Variants in DTNBP1 observed in about 807,000 individuals in gnomAD.
DTNBP1 encodes the protein dystrobrevin binding protein 1, also known as dysbindin.
In DTNBP1, 35 loss-of-function variants were observed where a neutral mutation model predicts 42.8. The observed-to-expected ratio is 0.82, with a 90% CI of 0.63 to 1.09. DTNBP1 has a LOEUF of 1.09. DTNBP1 is among the 50% of genes least tolerant of loss of function. DTNBP1 has a pLI of 0.00. For missense variants in DTNBP1, 457 were observed against 424.2 expected (o/e 1.08, Z -0.68); for synonymous variants, 171 against 162.2 (o/e 1.05, Z -0.41).
At position 15,554,975 on chromosome 6, in the gene DTNBP1, TTGAAAGGGCTG is replaced by T. The variant is rs1285436158; in HGVS notation, c.512-21591_512-21581del. ...TGGTTGAAATCAGCGGTGGAGTCTTTTGAAAGGGCTGTTTGCTCCTTAGCCCTTGGGTGAGA... is the reference window on the plus strand; with the variant it reads ...TGGTTGAAATCAGCGGTGGAGTCTTTTTTGCTCCTTAGCCCTTGGGTGAGA... On this transcript the variant is annotated intron_variant, in intron 7 of 9. Transcript: ENST00000344537. Among the ~76,000 whole-genome samples the T allele has an allele frequency of 2.6e-5, 4 of 151,834 alleles. No individual in the cohort carries two copies. In the East Asian group the frequency reaches 7.7e-4, roughly 29 times the overall value.
intron 1 of DTNBP1, among the ~76,000 whole-genome samples, chr6:15,659,874 T>A (rs2113833799): frequency 6.6e-6 from 1 of 152,180 alleles, no homozygotes; most frequent in Non-Finnish European, 1.5e-5. Context: ...TTCTTTGTGT[T>A]GCCCAGTCTT....
chr6:15,636,157 C>CTTTTTTTTTTTTTTTTTTTTTTT (rs70996562), intron 4 of DTNBP1, among the ~76,000 whole-genome samples: 1 of 127,028 alleles, frequency 7.9e-6, no homozygotes, highest in Non-Finnish European at 1.6e-5. Context: ...TTACCTGCAC[C>CTTTTTTTTTTTTTTTTTTTTTTT]TTTTTTTTTT....
Position 15,628,939 on chromosome 6 carries a change from G to A in DTNBP1, c.223-1464C>T, listed in dbSNP as rs184475535. Among the ~76,000 whole-genome samples, 458 of 152,246 alleles carry A rather than the reference G, an allele frequency of 3.0e-3. 3 individuals are homozygous for A. The highest frequency in any genetic ancestry group is 0.01 in the African/African-American group (428 of 41,532). ...TGTGGTTTCTCAGCCCACGCTGGAG[G>A]GATAAACACATAATCTCTCACATTC... On this transcript the variant is annotated intron_variant, in intron 4 of 9. Transcript: ENST00000344537.
chr6:15,623,136 A>G (rs923763342), intron 5 of DTNBP1, among the ~76,000 whole-genome samples: 2 of 152,262 alleles, frequency 1.3e-5, no homozygotes, highest in African/African-American at 4.8e-5. Flanking sequence ...TCTATGTAGT[A>G]GCCTAAAAGG....
intron 6 of DTNBP1, among the ~76,000 whole-genome samples, chr6:15,605,950 C>A (rs571051660): frequency 7.2e-5 from 11 of 152,232 alleles, no homozygotes; most frequent in Non-Finnish European, 1.5e-4. Context: ...ACAGTAATAT[C>A]ATTTTACATG....
At position 15,523,087 on chromosome 6, in the gene DTNBP1, T is replaced by A. The variant is rs777997224; in HGVS notation, c.944A>T (p.Glu315Val). The stretch of plus-strand genomic sequence containing the variant: ...CTCATCGGACTGAACAACGGGGGAC[T>A]CCCCACCCTCACTGATGTCCCGGGT... ...SATRDISEGG[E>V]SPVVQSDEEE... The change falls in exon 10 of 10, where the codon GAG (glutamate) becomes GTG (valine). Residue 315 changes from glutamate (E) to valine (V), a missense_variant. Transcript: ENST00000344537. The A allele has an allele frequency of 1.2e-6, 2 of 1,614,140 alleles. No individual in the cohort carries two copies. Among genetic ancestry groups the A allele is most frequent in the Non-Finnish European group, 1.7e-6 (2 of 1,180,028 alleles).
At chr6:15,661,653 A>AAAAAAAAAAGAGG (rs1761637464) in intron 1 of DTNBP1, among the ~76,000 whole-genome samples, 1 of 38,972 alleles carries the variant, frequency 2.6e-5, no homozygotes, top group Non-Finnish European at 4.9e-5. Context: ...CTCAAAAAAA[A>AAAAAAAAAAGAGG]GGGGGGTGGG....
At chr6:15,582,104 T>C (rs1775865834) in intron 7 of DTNBP1, among the ~76,000 whole-genome samples, 1 of 152,166 alleles carries the variant, frequency 6.6e-6, no homozygotes, top group Non-Finnish European at 1.5e-5. Flanking sequence ...AATCTCAATA[T>C]GCTACTTAGC....
intron 3 of DTNBP1, among the ~76,000 whole-genome samples, chr6:15,643,297 T>C (rs1349851620): frequency 6.6e-6 from 1 of 152,130 alleles, no homozygotes; most frequent in Non-Finnish European, 1.5e-5. Context: ...AATATGGGAT[T>C]ATGTAAAGCA....
chr6:15,651,083 T>C (rs1182050141), intron 3 of DTNBP1, among the ~76,000 whole-genome samples: 1 of 152,194 alleles, frequency 6.6e-6, no homozygotes, highest in Non-Finnish European at 1.5e-5. Context: ...TATCATAAAG[T>C]ATTGACTTGT....
chr6:15,610,446 C>T (rs183860089), intron 6 of DTNBP1, among the ~76,000 whole-genome samples: 2 of 152,196 alleles, frequency 1.3e-5, no homozygotes, highest in East Asian at 3.9e-4. Context: ...TAATAATAAC[C>T]CTACAATGGC....
chr6:15,659,866 C>T (rs1761504131), intron 1 of DTNBP1, among the ~76,000 whole-genome samples: 1 of 152,000 alleles, frequency 6.6e-6, no homozygotes, highest in African/African-American at 2.4e-5. Flanking sequence ...GATGGGGTTT[C>T]TTTGTGTTGC....
chr6:15,555,846 C>T (rs2113445698), intron 7 of DTNBP1, among the ~76,000 whole-genome samples: 1 of 152,066 alleles, frequency 6.6e-6, no homozygotes, highest in African/African-American at 2.4e-5. Flanking sequence ...ATTCACTTTA[C>T]TCTGAATTTG....
At chr6:15,593,255 A>C (rs1776373264) in intron 6 of DTNBP1, among the ~76,000 whole-genome samples, 174 bp from the exon 7 acceptor site, 1 of 152,226 alleles carries the variant, frequency 6.6e-6, no homozygotes, top group Non-Finnish European at 1.5e-5. Context: ...AGCCTAAACC[A>C]ACTATTTTCA....
At chr6:15,595,486 C>T (rs966736283) in intron 6 of DTNBP1, among the ~76,000 whole-genome samples, 9 of 151,946 alleles carry the variant, frequency 5.9e-5, no homozygotes, top group Non-Finnish European at 1.2e-4. Context: ...AGACTGGCCT[C>T]AAACTCCTGA....
chr6:15,568,605 C>T (rs1775201956), intron 7 of DTNBP1, among the ~76,000 whole-genome samples: 1 of 152,112 alleles, frequency 6.6e-6, no homozygotes, highest in Admixed American at 6.6e-5. Flanking sequence ...TCTCCTTCCA[C>T]CTCCTCTACC....
chr6:15,616,379 T>C (rs781616869), intron 5 of DTNBP1, among the ~76,000 whole-genome samples: 2 of 152,162 alleles, frequency 1.3e-5, no homozygotes, highest in Non-Finnish European at 2.9e-5. Flanking sequence ...AAAAAGACAG[T>C]CCTGGAGCTC....
At chr6:15,637,839 C>T (rs1760122016) in intron 3 of DTNBP1, 35 bp from the exon 4 acceptor site, 1 of 1,589,536 alleles carries the variant, frequency 6.3e-7, no homozygotes, top group Non-Finnish European at 8.6e-7. Context: ...GAAATGCAAA[C>T]CACACATTAA....
intron 1 of DTNBP1, among the ~76,000 whole-genome samples, chr6:15,658,478 G>T (rs1761407463): frequency 6.6e-6 from 1 of 152,156 alleles, no homozygotes; most frequent in African/African-American, 2.4e-5. Context: ...GGCAGGGGCA[G>T]TGAGGGCTTT....
Sources: allele counts gnomAD v4.1 joint callset (sites outside exome capture counted in the v4.1 genomes callset), GRCh38; gene constraint gnomAD v4.1.1; transcripts MANE v1.5; gene names NCBI Gene and HGNC (gene_info 2026-07-23, HGNC 2026-07-21).